IAPP: variants seen among roughly 807,000 people sequenced by gnomAD.
IAPP encodes islet amyloid polypeptide.
In IAPP, 4 loss-of-function variants were observed where a neutral mutation model predicts 2.9. The ratio of observed to expected loss-of-function variants is 1.39; its 90% CI spans 0.69 to 3.19. The LOEUF (loss-of-function observed/expected upper bound fraction) is 3.19. IAPP is among the 30% of genes most tolerant of loss of function. The pLI, the probability that IAPP is intolerant of heterozygous loss-of-function variation, is 0.01. For missense variants in IAPP, 114 were observed against 105.3 expected, an observed-to-expected ratio of 1.08 and a Z score of -0.36; for synonymous variants, 40 against 42.1, an observed-to-expected ratio of 0.95 and a Z score of 0.19.
At chr12:21,360,883 G>C (rs1351571901) in intron 1 of IAPP, among the ~76,000 whole-genome samples, 1 of 152,196 alleles carries the variant, frequency 6.6e-6, no homozygotes, top group African/African-American at 2.4e-5. Context: ...AAACAAAGCA[G>C]CTAGGAACTC....
chr12:21,360,833 TG>T (rs1022601000), intron 1 of IAPP, among the ~76,000 whole-genome samples: 1 of 152,026 alleles, frequency 6.6e-6, no homozygotes, highest in Non-Finnish European at 1.5e-5. Context: ...GCAGCAAGGC[TG>T]GGGGAGGGGC....
upstream of IAPP, among the ~76,000 whole-genome samples, chr12:21,372,204 T>A (rs1283162388): frequency 1.3e-5 from 2 of 152,314 alleles, no homozygotes; most frequent in Admixed American, 1.3e-4. Flanking sequence ...TGTGTAAGAA[T>A]GAATGGAAAA....
chr12:21,358,706 A>G (rs2137037378), intron 1 of IAPP, among the ~76,000 whole-genome samples: 1 of 152,012 alleles, frequency 6.6e-6, no homozygotes, highest in South Asian at 2.1e-4. Flanking sequence ...CAATAAATGA[A>G]CAATATTGAA....
intron 1 of IAPP, among the ~76,000 whole-genome samples, chr12:21,357,766 C>G (rs1938487953): frequency 6.6e-6 from 1 of 152,106 alleles, no homozygotes; most frequent in East Asian, 1.9e-4. Context: ...TCTAAAGCTC[C>G]TAATCTGTAT....
chr12:21,370,142 T>A (rs554556327), upstream of IAPP, among the ~76,000 whole-genome samples: 10 of 152,176 alleles, frequency 6.6e-5, no homozygotes, highest in Non-Finnish European at 1.0e-4. Flanking sequence ...TGTCTTTCAT[T>A]CTGCTCCTGA....
chr12:21,356,981 A>C (rs555273721), intron 1 of IAPP, among the ~76,000 whole-genome samples: 1 of 152,302 alleles, frequency 6.6e-6, no homozygotes, highest in South Asian at 2.1e-4. Flanking sequence ...AATAGCAATA[A>C]TACAGAAAAT....
rs1242505102 is a variant in IAPP at position 21,378,293 on chromosome 12, C to A, written c.137C>A (p.Ala46Glu). 1 of 1,614,040 alleles carries A rather than the reference C, an allele frequency of 6.2e-7. No homozygotes were observed. The highest frequency in any genetic ancestry group is 1.1e-5 in the South Asian group (1 of 91,090). Residue 46 changes from alanine to glutamate, a missense_variant, in exon 3 of 3, where the codon GCA (alanine) becomes GAA (glutamate). Physicochemically the swap from Ala to Glu is moderately radical, Grantham distance 107. Coordinates refer to ENST00000240652, the MANE Select transcript of IAPP (RefSeq NM_000415.3). ...NTATCATQRL[A>E]NFLVHSSNNF... ...GCCACATGTGCAACGCAGCGCCTGGCAAATTTTTTAGTTCATTCCAGCAAC... is the reference window on the plus strand; with the variant it reads ...GCCACATGTGCAACGCAGCGCCTGGAAAATTTTTTAGTTCATTCCAGCAAC...
chr12:21,370,584 G>A (rs866565570), upstream of IAPP, among the ~76,000 whole-genome samples: 6 of 149,502 alleles, frequency 4.0e-5, no homozygotes, highest in South Asian at 2.1e-4. Flanking sequence ...GCAGTGTTTC[G>A]ATAGAAGATT....
chr12:21,378,726 G>A lies in IAPP; in HGVS notation c.*300G>A, dbSNP rs1375348018. Reference sequence around the variant, plus strand: ...TTTAAGAACGAAGGAGAAAAAGGTAGTTTGAACCTTGGTAAATTGTAAACA... The same window carrying A: ...TTTAAGAACGAAGGAGAAAAAGGTAATTTGAACCTTGGTAAATTGTAAACA... On this transcript the variant is annotated 3_prime_UTR_variant, in exon 3 of 3. Transcript: ENST00000240652. 18 of 273,066 alleles carry A rather than the reference G, an allele frequency of 6.6e-5. 2 individuals are homozygous for A. The highest frequency in any genetic ancestry group is 1.2e-3 in the Middle Eastern group (1 of 802). 16.9% of individuals were successfully genotyped at this position (273,066 alleles called of 1,614,324 possible).
chr12:21,355,291 G>A (rs139221479), intron 1 of IAPP, among the ~76,000 whole-genome samples: 44 of 152,224 alleles, frequency 2.9e-4, no homozygotes, highest in African/African-American at 1.0e-3. Context: ...ATTTCCTGAA[G>A]TATGGCTTTA....
At chr12:21,375,760 A>G (rs1940148722) in intron 2 of IAPP, among the ~76,000 whole-genome samples, 1 of 152,188 alleles carries the variant, frequency 6.6e-6, no homozygotes, top group African/African-American at 2.4e-5. Flanking sequence ...AAGAGAGGCA[A>G]TTTAAGAGTT....
At chr12:21,371,156 T>C (rs112015315), upstream of IAPP, among the ~76,000 whole-genome samples, 157 of 152,324 alleles carry the variant, frequency 1.0e-3, 1 homozygote, top group African/African-American at 3.6e-3. Flanking sequence ...TTGGGTCATC[T>C]GGTCATTGCC....
chr12:21,378,611 A>G lies in IAPP; in HGVS notation c.*185A>G, dbSNP rs952028536. ...AACTAAGGTCCCATAATAAAAAGAT[A>G]GTATCTTTTAAAATGAAATGTTTTT... On this transcript the variant is annotated 3_prime_UTR_variant, in exon 3 of 3. Coordinates refer to ENST00000240652, the MANE Select transcript of IAPP (RefSeq NM_000415.3). The G allele has an allele frequency of 2.4e-5, 13 of 534,776 alleles. No homozygotes were observed. Among genetic ancestry groups the G allele is most frequent in the Non-Finnish European group, 4.3e-5 (13 of 302,868 alleles). 33.1% of individuals were successfully genotyped at this position (534,776 alleles called of 1,614,324 possible).
At chr12:21,369,410 T>C (rs113943223), upstream of IAPP, among the ~76,000 whole-genome samples, 146 of 152,344 alleles carry the variant, frequency 9.6e-4, no homozygotes, top group African/African-American at 3.3e-3. Context: ...CACCCTCTAA[T>C]TCATTCCACA....
At chr12:21,372,874 A>G, upstream of IAPP, 1 of 186,876 alleles carries the variant, frequency 5.4e-6, no homozygotes, top group South Asian at 1.1e-4. Context: ...TGAGGGGTAT[A>G]TAAGAGCTGG....
At chr12:21,368,982 A>C (rs1939592151), upstream of IAPP, among the ~76,000 whole-genome samples, 1 of 151,974 alleles carries the variant, frequency 6.6e-6, no homozygotes, top group Non-Finnish European at 1.5e-5. Context: ...CAGCTAAAAT[A>C]AAGAAATGTA....
upstream of IAPP, among the ~76,000 whole-genome samples, chr12:21,371,537 A>G (rs1939789434): frequency 6.6e-6 from 1 of 152,216 alleles, no homozygotes; most frequent in Admixed American, 6.5e-5. Context: ...ACAATGTTAC[A>G]AAGCTTTTAA....
rs1218466062 is a variant in IAPP at position 21,378,449 on chromosome 12, A to G, written c.*23A>G. The G allele has an allele frequency of 2.5e-6, 4 of 1,574,736 alleles. No homozygotes were observed. Among genetic ancestry groups the G allele is most frequent in the Non-Finnish European group, 3.5e-6 (4 of 1,144,182 alleles). On this transcript the variant is annotated 3_prime_UTR_variant, in exon 3 of 3. Coordinates refer to ENST00000240652, the MANE Select transcript of IAPP (RefSeq NM_000415.3). Reference sequence around the variant, plus strand: ...TAGAGGACAATGTAACTCTATAGTTATTGTTTTATGTTCTAGTGATTTCCT... The same window carrying G: ...TAGAGGACAATGTAACTCTATAGTTGTTGTTTTATGTTCTAGTGATTTCCT...
intron 1 of IAPP, among the ~76,000 whole-genome samples, chr12:21,364,693 G>A (rs946587098): frequency 6.6e-6 from 1 of 152,160 alleles, no homozygotes; most frequent in African/African-American, 2.4e-5. Context: ...AGCAACTTCA[G>A]CAAAATCTCA....
Sources: allele counts gnomAD v4.1 joint callset (sites outside exome capture counted in the v4.1 genomes callset), GRCh38; gene constraint gnomAD v4.1.1; transcripts MANE v1.5; gene names NCBI Gene and HGNC (gene_info 2026-07-23, HGNC 2026-07-21).